AP3B1: variants seen among roughly 807,000 people sequenced by gnomAD.
The protein encoded by AP3B1 is adaptor related protein complex 3 subunit beta 1.
In AP3B1, 61 loss-of-function variants were observed where a neutral mutation model predicts 132.5. That is an observed-to-expected ratio of 0.46 (90% CI 0.37 to 0.57). AP3B1 has a LOEUF of 0.57. Among genes scored for constraint, AP3B1 ranks in the 20% least tolerant of loss-of-function variants. The pLI, the probability that AP3B1 is intolerant of heterozygous loss-of-function variation, is 0.00. For missense variants in AP3B1, 1,120 were observed against 1,289.4 expected (o/e 0.87, Z 2.01); for synonymous variants, 388 against 438.3 (o/e 0.89, Z 1.43).
chr5:78,130,026 T>C (rs1350102158), intron 15 of AP3B1, among the ~76,000 whole-genome samples: 2 of 152,150 alleles, frequency 1.3e-5, no homozygotes, highest in African/African-American at 4.8e-5. Context: ...CAACTTATTA[T>C]AGTAGCTTTT....
intron 1 of AP3B1, among the ~76,000 whole-genome samples, chr5:78,277,370 T>C (rs2112576900): frequency 6.6e-6 from 1 of 151,682 alleles, no homozygotes; most frequent in South Asian, 2.1e-4. Flanking sequence ...GGGAGGGAGT[T>C]TAAGGGGAAT....
chr5:78,125,850 T>G (rs1484021214), intron 17 of AP3B1, among the ~76,000 whole-genome samples: 1 of 152,170 alleles, frequency 6.6e-6, no homozygotes, highest in African/African-American at 2.4e-5. Context: ...ACTGTCCCTA[T>G]AAGGTAGTTA....
chr5:78,149,878 C>G (rs551236197), intron 14 of AP3B1, among the ~76,000 whole-genome samples: 2 of 151,718 alleles, frequency 1.3e-5, no homozygotes, highest in East Asian at 3.9e-4. Flanking sequence ...TAACTCTCCG[C>G]TGAGAGATGG....
chr5:78,258,818 A>G (rs1747955180), intron 2 of AP3B1, among the ~76,000 whole-genome samples: 1 of 152,214 alleles, frequency 6.6e-6, no homozygotes, highest in African/African-American at 2.4e-5. Context: ...ACAAATGGAT[A>G]AAGAAAATGT....
At chr5:78,241,363 C>T (rs1050784596) in intron 2 of AP3B1, among the ~76,000 whole-genome samples, 4 of 151,884 alleles carry the variant, frequency 2.6e-5, no homozygotes, top group Non-Finnish European at 5.9e-5. Flanking sequence ...GGCTAATTTT[C>T]GAATTTTTTT....
rs1746264088 is a variant in AP3B1, at chr5:78,003,414, T to G, written c.3132-359A>C. 8 of 552,256 alleles carry G rather than the reference T, an allele frequency of 1.4e-5. No homozygotes were observed. The South Asian group carries it at 4.0e-4, about 28-fold the overall frequency. The allele number at this position is 552,256 out of a possible 1,614,324, so 34.2% of individuals were successfully genotyped here. ...TCACCATGCATAGGGACATTTTAAA[T>G]AAGCCATTGTATTTTTATTTTTAAA... On this transcript the variant is annotated intron_variant, in intron 26 of 26. Coordinates refer to ENST00000255194, the MANE Select transcript of AP3B1 (RefSeq NM_003664.5).
At chr5:78,294,060 CTCCTT>C (rs1396282787) in intron 1 of AP3B1, among the ~76,000 whole-genome samples, 1 of 152,136 alleles carries the variant, frequency 6.6e-6, no homozygotes, top group African/African-American at 2.4e-5. Context: ...CACCAAAACA[CTCCTT>C]TCACCCTAAT....
intron 8 of AP3B1, among the ~76,000 whole-genome samples, chr5:78,180,295 G>A (rs1442025280): frequency 6.6e-6 from 1 of 151,898 alleles, no homozygotes; most frequent in Non-Finnish European, 1.5e-5. Flanking sequence ...GAATTGTTCT[G>A]AACAGAACAA....
intron 25 of AP3B1, among the ~76,000 whole-genome samples, chr5:78,017,575 A>G (rs1222991667): frequency 2.0e-5 from 3 of 152,108 alleles, no homozygotes; most frequent in Non-Finnish European, 4.4e-5. Context: ...AAGAATTAGC[A>G]TCTTGCTAGC....
chr5:78,235,258 G>A (rs1278988463), intron 3 of AP3B1, among the ~76,000 whole-genome samples: 2 of 152,096 alleles, frequency 1.3e-5, no homozygotes, highest in African/African-American at 4.8e-5. Flanking sequence ...GAAAGAATGG[G>A]TCCAGTTCTC....
In AP3B1 at chr5:78,253,987, T is replaced by A. The variant is rs187667392; in HGVS notation, c.205-13051A>T. On this transcript the variant is annotated intron_variant, in intron 2 of 26. Transcript: ENST00000255194. ...AAAAAAAAAAAAGAATTCTATCAGA[T>A]AAATTTAACAAAGAGATTGAAACAG... is the stretch of plus-strand genomic sequence containing the variant. Among the ~76,000 whole-genome samples, 7 of 148,132 alleles carry A rather than the reference T, an allele frequency of 4.7e-5. No individual in the cohort carries two copies. The East Asian group carries it at 1.2e-3, about 25-fold the overall frequency.
chr5:78,010,841 T>A (rs1561351532), intron 26 of AP3B1, among the ~76,000 whole-genome samples: 1 of 151,898 alleles, frequency 6.6e-6, no homozygotes, highest in South Asian at 2.1e-4. Flanking sequence ...TTAAGTAATA[T>A]GCATTAAGAC....
At chr5:78,161,841 TCAA>T (rs1275423444) in intron 13 of AP3B1, among the ~76,000 whole-genome samples, 2 of 151,956 alleles carry the variant, frequency 1.3e-5, no homozygotes, top group East Asian at 3.8e-4. Flanking sequence ...AGAAATACTC[TCAA>T]CAATGTTACA....
chr5:78,023,469 A>C (rs1747194530), intron 24 of AP3B1, among the ~76,000 whole-genome samples: 1 of 151,468 alleles, frequency 6.6e-6, no homozygotes, highest in Non-Finnish European at 1.5e-5. Flanking sequence ...AAAGAAAAGA[A>C]AAAAGAAAGG....
intron 7 of AP3B1, among the ~76,000 whole-genome samples, chr5:78,202,231 G>C (rs191204389): frequency 1.9e-4 from 29 of 152,244 alleles, no homozygotes; most frequent in Non-Finnish European, 2.6e-4. Flanking sequence ...AGAACTGTAA[G>C]TCCAATAAAC....
At chr5:78,017,833 T>C (rs982802377) in intron 25 of AP3B1, among the ~76,000 whole-genome samples, 33 of 152,046 alleles carry the variant, frequency 2.2e-4, no homozygotes, top group Admixed American at 7.2e-4. Flanking sequence ...GCTAAATAAT[T>C]TGTGGCTTTA....
At chr5:78,069,752 T>C (rs1469188143) in intron 22 of AP3B1, among the ~76,000 whole-genome samples, 1 of 152,148 alleles carries the variant, frequency 6.6e-6, no homozygotes. Flanking sequence ...TAAAAACTAC[T>C]TTAAAATTCA....
intron 22 of AP3B1, among the ~76,000 whole-genome samples, chr5:78,054,583 T>C (rs1349579247): frequency 2.6e-5 from 4 of 152,122 alleles, no homozygotes; most frequent in Non-Finnish European, 5.9e-5. Context: ...AAGATCCAAA[T>C]GGAGATTCCC....
intron 22 of AP3B1, among the ~76,000 whole-genome samples, chr5:78,073,007 A>C (rs919518893): frequency 6.6e-6 from 1 of 152,102 alleles, no homozygotes; most frequent in Non-Finnish European, 1.5e-5. Flanking sequence ...GGCGTGAGCC[A>C]CCACGCCCAG....
Sources: allele counts gnomAD v4.1 joint callset (sites outside exome capture counted in the v4.1 genomes callset), GRCh38; gene constraint gnomAD v4.1.1; transcripts MANE v1.5; gene names NCBI Gene and HGNC (gene_info 2026-07-23, HGNC 2026-07-21).